The following PIP5K1B variants were observed in gnomAD, a reference collection of about 807,000 sequenced individuals.
PIP5K1B encodes phosphatidylinositol 4-phosphate 5-kinase type-1 beta.
PIP5K1B carries 42 observed loss-of-function variants against 67.0 expected under a neutral mutation model. The observed-to-expected ratio is 0.63, with a 90% CI of 0.49 to 0.81. The LOEUF is 0.81. Among genes scored for constraint, PIP5K1B ranks in the 30% least tolerant of loss-of-function variants. The pLI is 0.00. For synonymous variants in PIP5K1B, 214 were observed against 231.4 expected (o/e 0.92, Z 0.68); for missense variants, 459 against 646.3 (o/e 0.71, Z 3.14).
At chr9:68,887,852 T>A (rs1824557775) in intron 6 of PIP5K1B, among the ~76,000 whole-genome samples, 1 of 152,064 alleles carries the variant, frequency 6.6e-6, no homozygotes, top group Non-Finnish European at 1.5e-5. Context: ...ATGCTTCCAT[T>A]CTCTAAGGGA....
chr9:68,804,426 G>A (rs551288802), intron 2 of PIP5K1B, among the ~76,000 whole-genome samples: 2 of 152,220 alleles, frequency 1.3e-5, no homozygotes, highest in South Asian at 4.1e-4. Flanking sequence ...GAGGCAGGGG[G>A]CAGGTAGCGG....
chr9:68,801,634 AG>A (rs1220601754), intron 2 of PIP5K1B, among the ~76,000 whole-genome samples: 1 of 152,236 alleles, frequency 6.6e-6, no homozygotes, highest in Non-Finnish European at 1.5e-5. Flanking sequence ...ACTTGAAAGA[AG>A]TACATTTGGT....
At chr9:68,729,886 T>G (rs4745228) in intron 1 of PIP5K1B, among the ~76,000 whole-genome samples, 118,519 of 151,756 alleles carry the variant, frequency 0.78, 46,941 homozygotes, top group South Asian at 0.86. Context: ...GAATATACCC[T>G]TAGATCCAGT....
intron 4 of PIP5K1B, among the ~76,000 whole-genome samples, chr9:68,858,104 G>A (rs1439393552): frequency 6.6e-6 from 1 of 152,060 alleles, no homozygotes; most frequent in African/African-American, 2.4e-5. Context: ...CTCCTGAGTA[G>A]CTGGGATTAC....
chr9:68,794,696 TAAAA>T (rs34317692), intron 2 of PIP5K1B, among the ~76,000 whole-genome samples: 2 of 144,700 alleles, frequency 1.4e-5, no homozygotes. Flanking sequence ...TGCTGTAAAT[TAAAA>T]AAAAAAAAAA....
intron 4 of PIP5K1B, among the ~76,000 whole-genome samples, chr9:68,844,079 A>G (rs1349263844): frequency 6.6e-6 from 1 of 152,230 alleles, no homozygotes; most frequent in Non-Finnish European, 1.5e-5. Context: ...ATAACTGATT[A>G]CTTGTGTACA....
intron 14 of PIP5K1B, among the ~76,000 whole-genome samples, chr9:68,950,936 C>G (rs1828035327): frequency 6.6e-6 from 1 of 152,190 alleles, no homozygotes; most frequent in African/African-American, 2.4e-5. Context: ...AGGACTCATT[C>G]ACTTCACAGC....
intron 15 of PIP5K1B, among the ~76,000 whole-genome samples, chr9:69,005,312 G>A (rs555502977): frequency 1.3e-4 from 20 of 152,106 alleles, no homozygotes; most frequent in African/African-American, 2.9e-4. Flanking sequence ...TTTTCAGATC[G>A]TTCCCGTTGC....
chr9:68,962,574 T>C lies in PIP5K1B; in HGVS notation c.1502+21784T>C, dbSNP rs1251870782. ...GAGGTTTACTAATTGCTTTACCTAC[T>C]CTTCTCACATGGTTCTTTGATTTTA... is the stretch of plus-strand genomic sequence containing the variant. On this transcript the variant is annotated intron_variant, in intron 14 of 15. Transcript: ENST00000265382. Among the ~76,000 whole-genome samples the C allele has an allele frequency of 3.3e-5, 5 of 152,222 alleles. No individual in the cohort carries two copies. In the East Asian group the frequency reaches 7.7e-4, roughly 23 times the overall value.
chr9:68,895,029 C>G (rs556409438), intron 8 of PIP5K1B, among the ~76,000 whole-genome samples: 1 of 152,020 alleles, frequency 6.6e-6, no homozygotes, highest in South Asian at 2.1e-4. Flanking sequence ...AAGTAAGACT[C>G]GAACTGGGGA....
chr9:68,780,375 C>T (rs1358920794), intron 2 of PIP5K1B: 4 of 1,613,416 alleles, frequency 2.5e-6, no homozygotes, highest in East Asian at 2.2e-5. Flanking sequence ...CCGCCACGGC[C>T]TGCTGCTGCC....
intron 2 of PIP5K1B, among the ~76,000 whole-genome samples, chr9:68,753,088 T>C (rs1359969999): frequency 2.0e-5 from 3 of 152,146 alleles, no homozygotes; most frequent in Non-Finnish European, 2.9e-5. Flanking sequence ...CTTCATATTT[T>C]CCAAAATGAA....
intron 2 of PIP5K1B, chr9:68,781,239 T>C (rs1207962578): frequency 1.7e-6 from 1 of 603,610 alleles, no homozygotes; most frequent in African/African-American, 1.9e-5. Context: ...TTCAGACGTT[T>C]CCCCAATAAG....
At chr9:69,003,456 T>G (rs1830915454) in intron 15 of PIP5K1B, among the ~76,000 whole-genome samples, 1 of 117,152 alleles carries the variant, frequency 8.5e-6, no homozygotes, top group Non-Finnish European at 1.7e-5. Context: ...AAACCTGAGG[T>G]AATTATAGTT....
chr9:68,997,355 G>C (rs750859237), intron 15 of PIP5K1B, among the ~76,000 whole-genome samples: 3 of 152,170 alleles, frequency 2.0e-5, no homozygotes, highest in East Asian at 3.8e-4. Flanking sequence ...ATCATTCCTT[G>C]TTGGAGCCAG....
intron 8 of PIP5K1B, among the ~76,000 whole-genome samples, chr9:68,915,923 T>C (rs1038934637): frequency 2.0e-5 from 3 of 152,208 alleles, no homozygotes; most frequent in Non-Finnish European, 4.4e-5. Flanking sequence ...CACAAAGCCT[T>C]TTCTCAGGTG....
intron 2 of PIP5K1B, among the ~76,000 whole-genome samples, chr9:68,801,061 C>T (rs2131980157): frequency 6.6e-6 from 1 of 152,344 alleles, no homozygotes; most frequent in South Asian, 2.1e-4. Flanking sequence ...TACTACCACA[C>T]AGGTGGATTG....
chr9:68,838,124 G>A (rs1384480317), intron 4 of PIP5K1B, among the ~76,000 whole-genome samples: 1 of 149,594 alleles, frequency 6.7e-6, no homozygotes, highest in African/African-American at 2.5e-5. Context: ...TTTTCTGACT[G>A]GGGATACGTT....
chr9:68,812,633 A>G (rs1564154553), intron 2 of PIP5K1B, among the ~76,000 whole-genome samples: 1 of 152,248 alleles, frequency 6.6e-6, no homozygotes, highest in Non-Finnish European at 1.5e-5. Context: ...TTACTTGGCC[A>G]TTGGAATTTC....
Sources: gnomAD v4.1 joint callset for allele counts (sites outside exome capture counted in the v4.1 genomes callset) on GRCh38, gnomAD v4.1.1 for gene constraint, MANE v1.5 for transcripts, NCBI Gene and HGNC (gene_info 2026-07-23, HGNC 2026-07-21) for gene names.